The following FYB1 variants were observed in gnomAD, a reference collection of about 807,000 sequenced individuals.
FYB1 encodes the protein FYN-binding protein 1.
A neutral mutation model predicts 94.1 loss-of-function variants in FYB1; 41 were observed. The ratio of observed to expected loss-of-function variants is 0.44; its 90% CI spans 0.34 to 0.57. FYB1 has a LOEUF of 0.57. Among genes scored for constraint, FYB1 ranks in the 20% least tolerant of loss-of-function variants. FYB1 has a pLI of 0.02. For synonymous variants in FYB1, 367 were observed against 353.2 expected, an observed-to-expected ratio of 1.04 and a Z score of -0.44; for missense variants, 1,050 against 976.8, an observed-to-expected ratio of 1.07 and a Z score of -1.00.
chr5:39,112,897 T>C (rs188158766), intron 16 of FYB1, among the ~76,000 whole-genome samples: 299 of 152,230 alleles, frequency 2.0e-3, no homozygotes, highest in African/African-American at 6.9e-3. Context: ...ACATCAATAA[T>C]TGGGACTATT....
At chr5:39,115,487 G>A (rs1407868473) in intron 16 of FYB1, among the ~76,000 whole-genome samples, 1 of 152,126 alleles carries the variant, frequency 6.6e-6, no homozygotes, top group Non-Finnish European at 1.5e-5. Context: ...ATGAGGGTAA[G>A]CCTAGATGAT....
intron 2 of FYB1, among the ~76,000 whole-genome samples, chr5:39,182,474 G>T (rs112309853): frequency 9.2e-5 from 14 of 152,094 alleles, no homozygotes; most frequent in African/African-American, 2.9e-4. Flanking sequence ...GTCTACCTTT[G>T]GTTAATATAA....
rs1465471693 is a variant in FYB1, at chr5:39,153,499, G to A, written c.1241C>T (p.Pro414Leu). ...TCTGGGAGGTAGGCTTGGGACTGGT[G>A]GTTGTGATGGGTGAGATGCTGGCAA... is the stretch of plus-strand genomic sequence containing the variant. Reference protein sequence around the residue: ...PPLPASHPSQPPVPSLPPRNI... With the variant: ...PPLPASHPSQLPVPSLPPRNI... Residue 414 changes from proline to leucine, a missense_variant, in exon 3 of 19, where the codon CCA becomes CTA. By Grantham distance (98) the Pro-to-Leu change is moderately conservative. Transcript: ENST00000512982. The A allele has an allele frequency of 1.2e-6, 2 of 1,613,846 alleles. No individual in the cohort carries two copies. The highest frequency in any genetic ancestry group is 2.7e-5 in the African/African-American group (2 of 74,916).
At chr5:39,255,430 G>GTTTT (rs113241046) in intron 1 of FYB1, among the ~76,000 whole-genome samples, 18,507 of 142,684 alleles carry the variant, frequency 0.13, 1,369 homozygotes, top group African/African-American at 0.18. Flanking sequence ...CCATTCACCT[G>GTTTT]TTTTTTTTTT....
chr5:39,215,739 C>T lies in FYB1; in HGVS notation c.-28+3704G>A, dbSNP rs114703635. Among the ~76,000 whole-genome samples the T allele has an allele frequency of 2.3e-3, 352 of 152,250 alleles. 2 individuals carry two copies. The highest frequency in any genetic ancestry group is 8.2e-3 in the African/African-American group (340 of 41,526). On this transcript the variant is annotated intron_variant, in intron 1 of 18. Transcript: ENST00000512982. ...TTGGTGGAGGTACCCTGATTTAGCA[C>T]GAGTGAATGGGATTGGAATGCAGAT... is the stretch of plus-strand genomic sequence containing the variant.
intron 1 of FYB1, among the ~76,000 whole-genome samples, chr5:39,260,063 T>TA (rs1233688418): frequency 5.3e-5 from 8 of 152,270 alleles, no homozygotes; most frequent in African/African-American, 1.9e-4. Context: ...GACACAGAGA[T>TA]AAAAAGTTTG....
At chr5:39,190,915 C>T (rs977888576) in intron 2 of FYB1, among the ~76,000 whole-genome samples, 17 of 152,060 alleles carry the variant, frequency 1.1e-4, no homozygotes, top group African/African-American at 4.1e-4. Flanking sequence ...TCTAGATCCT[C>T]AATGACTGAG....
chr5:39,219,693 G>A, upstream of FYB1: 1 of 649,288 alleles, frequency 1.5e-6, no homozygotes, highest in South Asian at 6.9e-5. Context: ...GTAATAAGGA[G>A]GAGAAAGGGG....
chr5:39,272,387 G>A lies in FYB1; in HGVS notation c.-28+2016C>T, dbSNP rs184386833. Among the ~76,000 whole-genome samples, 12 of 152,062 alleles carry A rather than the reference G, an allele frequency of 7.9e-5. No individual in the cohort carries two copies. The East Asian group carries it at 1.2e-3, about 15-fold the overall frequency. ...TACATAAAAATTACTTAATCAGCCC[G>A]GGCGCGGTGGCTCATGCCTGTAATC... On this transcript the variant is annotated intron_variant, in intron 1 of 1. Transcript: ENST00000510188.
At chr5:39,126,232 G>A (rs1331426666) in intron 11 of FYB1, 97 bp from the exon 12 acceptor site, 13 of 1,278,564 alleles carry the variant, frequency 1.0e-5, no homozygotes, top group East Asian at 2.4e-5. Context: ...TAATCATTAC[G>A]GCCACATTAA....
In FYB1 at chr5:39,137,689, C is replaced by T; in HGVS notation, c.1426G>A (p.Glu476Lys). 10 of 1,546,032 alleles carry T rather than the reference C, an allele frequency of 6.5e-6. No homozygotes were observed. The highest frequency in any genetic ancestry group is 8.8e-6 in the Non-Finnish European group (10 of 1,142,242). The part of the protein sequence containing the change: ...EASKEREKKR[E>K]KEEKKRLELE... Reference sequence around the variant, plus strand: ...TCTAACCTCTTCTTTTCTTCCTTTTCCCTTTTCTTCTCTCTTTCTTTGGAT... The same window carrying T: ...TCTAACCTCTTCTTTTCTTCCTTTTTCCTTTTCTTCTCTCTTTCTTTGGAT... Residue 476 changes from glutamate to lysine, a missense_variant, in exon 7 of 19, where the codon GAA becomes AAA. By Grantham distance (56) the Glu-to-Lys change is moderately conservative. Coordinates refer to ENST00000512982, the MANE Select transcript of FYB1 (RefSeq NM_001465.6).
intron 2 of FYB1, among the ~76,000 whole-genome samples, chr5:39,184,686 C>T (rs891169942): frequency 6.6e-6 from 1 of 152,106 alleles, no homozygotes; most frequent in Non-Finnish European, 1.5e-5. Context: ...GCTGAAGTAA[C>T]TTCCATCAGT....
At chr5:39,192,108 A>G (rs1333826891) in intron 2 of FYB1, among the ~76,000 whole-genome samples, 1 of 152,224 alleles carries the variant, frequency 6.6e-6, no homozygotes, top group East Asian at 1.9e-4. Context: ...AGCAGATTGT[A>G]TGAAACAAGG....
At chr5:39,251,965 A>C (rs1010039680) in intron 1 of FYB1, among the ~76,000 whole-genome samples, 2 of 152,106 alleles carry the variant, frequency 1.3e-5, no homozygotes, top group African/African-American at 4.8e-5. Context: ...TAACACGGTG[A>C]AACCCCATCT....
chr5:39,144,500 T>C (rs1267196749), intron 3 of FYB1, among the ~76,000 whole-genome samples: 2 of 152,172 alleles, frequency 1.3e-5, no homozygotes, highest in Non-Finnish European at 2.9e-5. Flanking sequence ...AGTGAACTTA[T>C]ATCTTAAAAG....
At chr5:39,115,235 C>T (rs1011680373) in intron 16 of FYB1, among the ~76,000 whole-genome samples, 1 of 151,960 alleles carries the variant, frequency 6.6e-6, no homozygotes, top group Non-Finnish European at 1.5e-5. Context: ...AGCTGGACTA[C>T]AGGCATGTGC....
chr5:39,190,837 G>T (rs1808561), intron 2 of FYB1, among the ~76,000 whole-genome samples: 5,487 of 150,336 alleles, frequency 0.036, 344 homozygotes, highest in African/African-American at 0.13. Context: ...CTCACATCTG[G>T]TTTCTAGATG....
chr5:39,161,579 A>C (rs1744249229), intron 2 of FYB1, among the ~76,000 whole-genome samples: 2 of 151,804 alleles, frequency 1.3e-5, no homozygotes, highest in Non-Finnish European at 2.9e-5. Context: ...GCACAAAAAG[A>C]GCAATCTGGT....
intron 11 of FYB1, among the ~76,000 whole-genome samples, chr5:39,127,012 C>G (rs1244470363): frequency 7.2e-6 from 1 of 139,054 alleles, no homozygotes. Flanking sequence ...GAGCCGAGAT[C>G]GTGCCATTGC....
Sources: gnomAD v4.1 joint callset for allele counts (sites outside exome capture counted in the v4.1 genomes callset) on GRCh38, gnomAD v4.1.1 for gene constraint, MANE v1.5 for transcripts, NCBI Gene and HGNC (gene_info 2026-07-23, HGNC 2026-07-21) for gene names.